The following CUL5 variants were observed in gnomAD, a reference collection of about 807,000 sequenced individuals.
The protein encoded by CUL5 is cullin 5.
In CUL5, 26 loss-of-function variants were observed where a neutral mutation model predicts 108.8. That is an observed-to-expected ratio of 0.24 (90% CI 0.18 to 0.33). The LOEUF (loss-of-function observed/expected upper bound fraction) is 0.33. Among genes scored for constraint, CUL5 ranks in the 10% least tolerant of loss-of-function variants. The pLI is 1.00. For synonymous variants in CUL5, 334 were observed against 298.0 expected (o/e 1.12, Z -1.25); for missense variants, 524 against 909.2 (o/e 0.58, Z 5.45).
intron 4 of CUL5, among the ~76,000 whole-genome samples, chr11:108,052,426 T>A (rs1277556359): frequency 2.0e-5 from 3 of 151,746 alleles, no homozygotes; most frequent in Non-Finnish European, 4.4e-5. Flanking sequence ...ACTGGGCTAT[T>A]TTTTTTGTAT....
intron 2 of CUL5, among the ~76,000 whole-genome samples, chr11:108,040,262 T>C (rs1862860994): frequency 6.6e-6 from 1 of 152,150 alleles, no homozygotes; most frequent in Non-Finnish European, 1.5e-5. Flanking sequence ...GGAGGATTGC[T>C]TGAGGCCAGA....
At chr11:108,100,080 G>A (rs1209745515) in intron 18 of CUL5, among the ~76,000 whole-genome samples, 1 of 140,606 alleles carries the variant, frequency 7.1e-6, no homozygotes, top group African/African-American at 2.5e-5. Flanking sequence ...ATTCAACTAG[G>A]AATATTTTTG....
At chr11:108,089,663 TAC>T (rs1864303452) in intron 13 of CUL5, 40 bp downstream of exon 13, 1 of 1,129,292 alleles carries the variant, frequency 8.9e-7, no homozygotes, top group African/African-American at 1.6e-5. Flanking sequence ...TCTAATACAT[TAC>T]ATCATTTATA....
intron 2 of CUL5, among the ~76,000 whole-genome samples, chr11:108,044,522 T>A (rs1234943013): frequency 6.6e-6 from 1 of 150,800 alleles, no homozygotes; most frequent in Admixed American, 6.6e-5. Flanking sequence ...AAAAAAAAAT[T>A]AGAATATAAA....
At position 108,049,949 on chromosome 11, in the gene CUL5, A is replaced by G. The variant is rs1863169776; in HGVS notation, c.294A>G (p.Arg98=). The change falls in exon 4 of 19, where the codon CGA becomes CGG. Residue 98 remains arginine, a synonymous_variant. Transcript: ENST00000393094. The stretch of plus-strand genomic sequence containing the variant: ...TAAAAGCATATATTGTTGAATGGCG[A>G]AAGTTCTTTACACAATGTGATATTT... ...ALLKAYIVEW[R]KFFTQCDILP... 6.2e-7 allele frequency: 1 copy of G among 1,613,882 alleles called. No individual in the cohort carries two copies. The highest frequency in any genetic ancestry group is 8.5e-7 in the Non-Finnish European group (1 of 1,179,848).
intron 10 of CUL5, among the ~76,000 whole-genome samples, chr11:108,076,367 G>A (rs1002078182): frequency 1.3e-5 from 2 of 152,100 alleles, no homozygotes; most frequent in African/African-American, 4.8e-5. Flanking sequence ...TTCTCATGCT[G>A]TACATTAGCT....
chr11:108,081,609 A>G (rs530077661), intron 11 of CUL5, among the ~76,000 whole-genome samples: 2 of 152,130 alleles, frequency 1.3e-5, no homozygotes, highest in South Asian at 4.2e-4. Flanking sequence ...AAAATTAGCC[A>G]GGCGTGGTGG....
At position 108,052,721 on chromosome 11, in the gene CUL5, G is replaced by C; in HGVS notation, c.473G>C (p.Ser158Thr). ...FSNIKNRLQD[S>T]AMKLVHAERL... ...AACATAAAAAACAGACTCCAAGATA[G>C]TGCAATGAAGCTGGTACATGCTGAG... The change falls in exon 5 of 19, where the codon AGT becomes ACT. Residue 158 changes from serine (S) to threonine (T), a missense_variant. Physicochemically the swap from Ser to Thr is moderately conservative, Grantham distance 58. Around this residue, in one of 8 missense-constraint regions of CUL5, gnomAD observed 170 missense variants for 305.1 expected, o/e 0.56. Coordinates refer to ENST00000393094, the MANE Select transcript of CUL5 (RefSeq NM_003478.6). 1 of 1,613,508 alleles carries C rather than the reference G, an allele frequency of 6.2e-7. No individual in the cohort carries two copies. Among genetic ancestry groups the C allele is most frequent in the Non-Finnish European group, 8.5e-7 (1 of 1,179,500 alleles).
At chr11:108,058,208 CAAAAA>C (rs371453494) in intron 7 of CUL5, among the ~76,000 whole-genome samples, 6 of 71,884 alleles carry the variant, frequency 8.3e-5, no homozygotes, top group East Asian at 5.0e-4. Context: ...GACTCTGTCT[CAAAAA>C]AAAAAAAAAA....
intron 2 of CUL5, among the ~76,000 whole-genome samples, chr11:108,042,304 C>G (rs1296183533): frequency 1.3e-5 from 2 of 149,702 alleles, no homozygotes; most frequent in Non-Finnish European, 3.0e-5. Flanking sequence ...ACTGCAACCT[C>G]CACCCCCGGG....
chr11:108,069,589 C>T (rs1863772086), intron 7 of CUL5, among the ~76,000 whole-genome samples: 1 of 152,016 alleles, frequency 6.6e-6, no homozygotes, highest in Non-Finnish European at 1.5e-5. Flanking sequence ...TGCCACTTAA[C>T]TGAGTTATAT....
intron 16 of CUL5, among the ~76,000 whole-genome samples, chr11:108,096,676 C>G (rs1220548638): frequency 6.7e-6 from 1 of 149,350 alleles, no homozygotes; most frequent in African/African-American, 2.5e-5. Flanking sequence ...AAGCGATTCT[C>G]CTACCTCAGC....
intron 5 of CUL5, among the ~76,000 whole-genome samples, chr11:108,053,971 G>C (rs1863308142): frequency 6.6e-6 from 1 of 151,962 alleles, no homozygotes; most frequent in African/African-American, 2.4e-5. Context: ...TCAGCCTCCA[G>C]AATAGCTGAG....
At chr11:108,037,541 C>T (rs530747025) in intron 2 of CUL5, among the ~76,000 whole-genome samples, 1 of 152,268 alleles carries the variant, frequency 6.6e-6, no homozygotes, top group Non-Finnish European at 1.5e-5. Flanking sequence ...GTGGCAAAGT[C>T]CAGGAGAAAC....
chr11:108,020,495 A>G (rs1862301650), intron 1 of CUL5, among the ~76,000 whole-genome samples: 1 of 152,086 alleles, frequency 6.6e-6, no homozygotes, highest in African/African-American at 2.4e-5. Context: ...ATAAGGATAT[A>G]AAGAAAGTAA....
At chr11:108,099,418 G>T (rs569082657) in intron 18 of CUL5, among the ~76,000 whole-genome samples, 1 of 152,044 alleles carries the variant, frequency 6.6e-6, no homozygotes, top group African/African-American at 2.4e-5. Context: ...AAAACCAATT[G>T]CATTTCTATG....
intron 7 of CUL5, among the ~76,000 whole-genome samples, chr11:108,055,216 GTTTTC>G (rs1434771554): frequency 6.6e-6 from 1 of 151,944 alleles, no homozygotes; most frequent in Non-Finnish European, 1.5e-5. Flanking sequence ...TTTTTGGTAA[GTTTTC>G]TTTTATTATG....
chr11:108,062,630 G>A (rs1030269946), intron 7 of CUL5, among the ~76,000 whole-genome samples: 4 of 151,092 alleles, frequency 2.6e-5, no homozygotes, highest in Non-Finnish European at 5.9e-5. Context: ...ATGTATTTAT[G>A]GGTTACATGA....
intron 1 of CUL5, among the ~76,000 whole-genome samples, chr11:108,024,618 A>G (rs1037906426): frequency 2.0e-5 from 3 of 152,218 alleles, no homozygotes; most frequent in South Asian, 2.1e-4. Flanking sequence ...AAGTTAATAG[A>G]AGATACAAAT....
Sources: allele counts gnomAD v4.1 joint callset (sites outside exome capture counted in the v4.1 genomes callset), GRCh38; gene constraint gnomAD v4.1.1; regional missense constraint gnomAD v4.1.1; transcripts MANE v1.5; gene names NCBI Gene and HGNC (gene_info 2026-07-23, HGNC 2026-07-21).